Variants in IGF1R observed in about 807,000 individuals in gnomAD.
IGF1R encodes insulin like growth factor 1 receptor.
Under a neutral mutation model 144.6 loss-of-function variants are expected in IGF1R, and 44 were observed. The ratio of observed to expected loss-of-function variants is 0.30; its 90% CI spans 0.24 to 0.39. The LOEUF is 0.39. Among genes scored for constraint, IGF1R ranks in the 10% least tolerant of loss-of-function variants. The pLI, the probability that IGF1R is intolerant of heterozygous loss-of-function variation, is 1.00. For missense variants in IGF1R, 1,355 were observed against 1,833.7 expected (o/e 0.74, Z 4.77); for synonymous variants, 795 against 722.8 (o/e 1.10, Z -1.60).
At chr15:98,910,042 A>G (rs3825955) in intron 6 of IGF1R, among the ~76,000 whole-genome samples, 64,996 of 151,858 alleles carry the variant, frequency 0.43, 14,532 homozygotes, top group African/African-American at 0.56. Flanking sequence ...ACACACATGC[A>G]GGGAGGCAAA....
At chr15:98,925,389 AAACTT>A (rs1176562017) in intron 13 of IGF1R, among the ~76,000 whole-genome samples, 45 of 152,360 alleles carry the variant, frequency 3.0e-4, no homozygotes, top group Non-Finnish European at 1.0e-4. Flanking sequence ...TTGACCAACA[AAACTT>A]AGTATTTTGG....
chr15:98,775,288 C>T (rs575995311), intron 2 of IGF1R, among the ~76,000 whole-genome samples: 1 of 152,284 alleles, frequency 6.6e-6, no homozygotes, highest in East Asian at 1.9e-4. Context: ...TTAACAGTCA[C>T]AAGACTGTAG....
chr15:98,909,055 G>A (rs993251825), intron 6 of IGF1R, among the ~76,000 whole-genome samples, 156 bp downstream of exon 6: 4 of 152,094 alleles, frequency 2.6e-5, no homozygotes, highest in African/African-American at 9.7e-5. Flanking sequence ...CTACTTATAT[G>A]TCATCACAAT....
chr15:98,830,602 C>CGCCTTTTTTTTTTTTTTTTT (rs2056982466), intron 2 of IGF1R, among the ~76,000 whole-genome samples: 1 of 136,388 alleles, frequency 7.3e-6, no homozygotes, highest in African/African-American at 3.3e-5. Context: ...ATCTGATCAT[C>CGCCTTTTTTTTTTTTTTTTT]ATCTTTTTTT....
rs529474662 is a variant in IGF1R, at chr15:98,813,303, C to G, written c.641-78022C>G. ...ATATGCAAAATAACCAATCCAAAGG[C>G]CAGGCCCCTTACCACCTTTATTGGG... On this transcript the variant is annotated intron_variant, in intron 2 of 20. Coordinates refer to ENST00000650285, the MANE Select transcript of IGF1R (RefSeq NM_000875.5). Among the ~76,000 whole-genome samples, 187 of 152,246 alleles carry G rather than the reference C, an allele frequency of 1.2e-3. 3 individuals carry two copies. The highest frequency in any genetic ancestry group is 0.01 in the Middle Eastern group (3 of 294).
At chr15:98,823,436 A>G (rs902693619) in intron 2 of IGF1R, among the ~76,000 whole-genome samples, 5 of 152,270 alleles carry the variant, frequency 3.3e-5, no homozygotes, top group African/African-American at 9.6e-5. Context: ...CTGCTAGAGG[A>G]CAGATGCAAA....
In IGF1R at chr15:98,959,860, A is replaced by C; in HGVS notation, c.*2418A>C. On this transcript the variant is annotated 3_prime_UTR_variant, in exon 21 of 21. Transcript: ENST00000650285. ...TCCCATAGCGTGTTCCCTTTAAAAA[A>C]AAAAAAAAGGTATTATATGTAGGAG... 1 of 233,092 alleles carries C rather than the reference A, an allele frequency of 4.3e-6. No homozygotes were observed. Among genetic ancestry groups the C allele is most frequent in the East Asian group, 6.0e-5 (1 of 16,582 alleles). 14.4% of individuals were successfully genotyped at this position (233,092 alleles called of 1,614,324 possible).
intron 1 of IGF1R, among the ~76,000 whole-genome samples, chr15:98,680,930 A>G (rs577768302): frequency 6.7e-6 from 1 of 149,586 alleles, no homozygotes; most frequent in East Asian, 2.0e-4. Context: ...AGGTATGTTT[A>G]AATACACACA....
chr15:98,916,650 T>C, intron 9 of IGF1R, 22 bp from the exon 10 acceptor site: 1 of 1,608,498 alleles, frequency 6.2e-7, no homozygotes, highest in Non-Finnish European at 8.5e-7. Context: ...CACTCTTGTT[T>C]TGGCTTTTCT....
intron 2 of IGF1R, among the ~76,000 whole-genome samples, chr15:98,827,766 A>G (rs1884267330): frequency 1.3e-5 from 2 of 152,200 alleles, no homozygotes; most frequent in Admixed American, 1.3e-4. Flanking sequence ...TATTTTTAGT[A>G]GAGATGGGGT....
chr15:98,719,881 C>T (rs1362134688), intron 2 of IGF1R, among the ~76,000 whole-genome samples: 1 of 152,134 alleles, frequency 6.6e-6, no homozygotes, highest in African/African-American at 2.4e-5. Flanking sequence ...TATCCTAATT[C>T]TTGGAAATAC....
intron 1 of IGF1R, among the ~76,000 whole-genome samples, chr15:98,678,478 T>A (rs2141209396): frequency 6.8e-6 from 1 of 147,784 alleles, no homozygotes; most frequent in African/African-American, 2.5e-5. Flanking sequence ...ACTTGTTAAA[T>A]GCCTGGAGGC....
intron 2 of IGF1R, among the ~76,000 whole-genome samples, chr15:98,794,599 T>C (rs1390983783): frequency 6.6e-6 from 1 of 152,204 alleles, no homozygotes; most frequent in East Asian, 1.9e-4. Context: ...GCATTCTGAT[T>C]TGTCTGTGTA....
chr15:98,800,797 G>A (rs1354032508), intron 2 of IGF1R, among the ~76,000 whole-genome samples: 1 of 152,190 alleles, frequency 6.6e-6, no homozygotes, highest in Non-Finnish European at 1.5e-5. Context: ...CAGCTGCTGG[G>A]GCGAAGCAGG....
intron 2 of IGF1R, among the ~76,000 whole-genome samples, chr15:98,815,695 T>A (rs2056682537): frequency 6.6e-6 from 1 of 152,178 alleles, no homozygotes; most frequent in African/African-American, 2.4e-5. Flanking sequence ...GAGTTTTGTG[T>A]GACTCTGTGT....
In IGF1R at chr15:98,951,774, A is replaced by G. The variant is rs535544470; in HGVS notation, c.3722+3066A>G. On this transcript the variant is annotated intron_variant, in intron 20 of 20. Coordinates refer to ENST00000650285, the MANE Select transcript of IGF1R (RefSeq NM_000875.5). ...ATGTGTAGCTGGCTTCTCTGAGTGCAGAGTTCGGCACACTCTTTCTCTAAA... is the reference window on the plus strand; with the variant it reads ...ATGTGTAGCTGGCTTCTCTGAGTGCGGAGTTCGGCACACTCTTTCTCTAAA... 3.3e-5 allele frequency among the ~76,000 whole-genome samples: 5 copies of G among 152,280 alleles called. No individual in the cohort carries two copies. The South Asian group carries it at 1.0e-3, about 32-fold the overall frequency.
At position 98,866,027 on chromosome 15, in the gene IGF1R, T is replaced by G. The variant is rs79759125; in HGVS notation, c.641-25298T>G. 3.9e-5 allele frequency among the ~76,000 whole-genome samples: 6 copies of G among 152,198 alleles called. No homozygotes were observed. In the East Asian group the frequency reaches 1.2e-3, roughly 29 times the overall value. On this transcript the variant is annotated intron_variant, in intron 2 of 20. Coordinates refer to ENST00000650285, the MANE Select transcript of IGF1R (RefSeq NM_000875.5). The stretch of plus-strand genomic sequence containing the variant: ...GCCCGTCACCCGGATGGGTTGGTAG[T>G]GCACATATGCACGGGGCGCAGTTTA...
rs112784658 is a variant in IGF1R, at chr15:98,915,942, T to C, written c.1829-22T>C. The C allele has an allele frequency of 2.5e-6, 4 of 1,611,800 alleles. 1 individual carries two copies. Among genetic ancestry groups the C allele is most frequent in the African/African-American group, 2.7e-5 (2 of 74,998 alleles). On this transcript the variant is annotated intron_variant, in intron 8 of 20. Coordinates refer to ENST00000650285, the MANE Select transcript of IGF1R (RefSeq NM_000875.5). Reference sequence around the variant, plus strand: ...CTTAAGTTCATTTCATTTTCTAGAATGTTCTTTGTTCCCCTCTCCAGTTCC... The same window carrying C: ...CTTAAGTTCATTTCATTTTCTAGAACGTTCTTTGTTCCCCTCTCCAGTTCC...
At chr15:98,734,313 A>T (rs1042288982) in intron 2 of IGF1R, among the ~76,000 whole-genome samples, 1 of 152,218 alleles carries the variant, frequency 6.6e-6, no homozygotes, top group Non-Finnish European at 1.5e-5. Flanking sequence ...TAAAAAAATT[A>T]AAATGGTTGG....
Sources: allele counts gnomAD v4.1 joint callset (sites outside exome capture counted in the v4.1 genomes callset), GRCh38; gene constraint gnomAD v4.1.1; transcripts MANE v1.5; gene names NCBI Gene and HGNC (gene_info 2026-07-23, HGNC 2026-07-21).